MTHFD1L: variants seen among roughly 807,000 people sequenced by gnomAD.
MTHFD1L encodes methylenetetrahydrofolate dehydrogenase (NADP+ dependent) 1 like, also known as monofunctional C1-tetrahydrofolate synthase, mitochondrial.
MTHFD1L carries 81 observed loss-of-function variants against 119.5 expected under a neutral mutation model. That is an observed-to-expected ratio of 0.68 (90% CI 0.57 to 0.82). MTHFD1L has a LOEUF of 0.82. MTHFD1L is among the 40% of genes least tolerant of loss of function. The probability of loss-of-function intolerance (pLI) is 0.00; values close to 1 mark genes in which losing one functional copy is unlikely to be tolerated. For missense variants in MTHFD1L, 1,125 were observed against 1,253.4 expected (o/e 0.90, Z 1.55); for synonymous variants, 430 against 475.2 (o/e 0.90, Z 1.24).
intron 19 of MTHFD1L, among the ~76,000 whole-genome samples, chr6:150,965,890 G>A (rs1231411144): frequency 1.3e-5 from 2 of 152,188 alleles, no homozygotes; most frequent in Admixed American, 1.3e-4. Flanking sequence ...CATGTTAGTT[G>A]GTGGTAAGGT....
chr6:151,023,233 G>A (rs1253107194), intron 24 of MTHFD1L, among the ~76,000 whole-genome samples: 1 of 151,962 alleles, frequency 6.6e-6, no homozygotes, highest in African/African-American at 2.4e-5. Context: ...TTTTAGTAAA[G>A]GCAGAGTTTC....
chr6:150,929,820 C>T (rs1227095601), intron 11 of MTHFD1L, among the ~76,000 whole-genome samples: 2 of 151,974 alleles, frequency 1.3e-5, no homozygotes, highest in African/African-American at 4.8e-5. Flanking sequence ...AGTTTCTTTA[C>T]CTAACAAAGA....
At chr6:150,869,713 T>C (rs939091325) in intron 1 of MTHFD1L, among the ~76,000 whole-genome samples, 5 of 152,030 alleles carry the variant, frequency 3.3e-5, no homozygotes, top group Non-Finnish European at 7.4e-5. Flanking sequence ...TAGCCCTGAA[T>C]TGATTCTCCG....
intron 26 of MTHFD1L, among the ~76,000 whole-genome samples, chr6:151,052,970 G>C (rs1262071422): frequency 1.3e-5 from 2 of 152,186 alleles, no homozygotes; most frequent in Non-Finnish European, 2.9e-5. Flanking sequence ...CGCCCGTCGT[G>C]GGGTGGGTCT....
intron 26 of MTHFD1L, among the ~76,000 whole-genome samples, chr6:151,074,947 G>C (rs955978896): frequency 2.6e-5 from 4 of 152,100 alleles, no homozygotes; most frequent in African/African-American, 9.7e-5. Context: ...GTAAATGCAA[G>C]GTAACCATTT....
At chr6:150,876,730 C>T (rs1216521256) in intron 2 of MTHFD1L, among the ~76,000 whole-genome samples, 1 of 152,158 alleles carries the variant, frequency 6.6e-6, no homozygotes, top group Non-Finnish European at 1.5e-5. Context: ...TGTGTGATGG[C>T]AGGTGCTGAG....
intron 20 of MTHFD1L, among the ~76,000 whole-genome samples, chr6:150,981,518 A>G (rs775730210): frequency 8.3e-4 from 126 of 152,194 alleles, no homozygotes; most frequent in Admixed American, 4.6e-4. Context: ...TTCAAATTTT[A>G]TATATTAATA....
intron 26 of MTHFD1L, among the ~76,000 whole-genome samples, chr6:151,068,611 T>C (rs1791584383): frequency 6.6e-6 from 1 of 152,236 alleles, no homozygotes; most frequent in Non-Finnish European, 1.5e-5. Context: ...CAGGAGACTC[T>C]GTAAATATTC....
intron 26 of MTHFD1L, chr6:151,088,087 A>G (rs1361003174): frequency 5.3e-5 from 8 of 152,186 alleles, no homozygotes; most frequent in Non-Finnish European, 8.8e-5. Flanking sequence ...TGGGGGGGTG[A>G]CAATCCTTTG....
At chr6:151,098,501 T>A (rs1434991924) in intron 27 of MTHFD1L, among the ~76,000 whole-genome samples, 1 of 152,172 alleles carries the variant, frequency 6.6e-6, no homozygotes, top group Non-Finnish European at 1.5e-5. Flanking sequence ...TGCTTCCAAG[T>A]AGGATGGAAG....
intron 26 of MTHFD1L, among the ~76,000 whole-genome samples, chr6:151,050,521 G>A (rs1788853456): frequency 2.6e-5 from 4 of 152,162 alleles, no homozygotes; most frequent in Non-Finnish European, 5.9e-5. Flanking sequence ...AGTTCTGTTA[G>A]CTGCTCCAGC....
rs748304316 is a variant in MTHFD1L at position 150,866,388 on chromosome 6, G to A, written c.227+339G>A. On this transcript the variant is annotated intron_variant, in intron 1 of 27. Coordinates refer to ENST00000367321, the MANE Select transcript of MTHFD1L (RefSeq NM_015440.5). The stretch of plus-strand genomic sequence containing the variant: ...AATCGCGCCGGGCGCGACCCAGACG[G>A]TAAAGGGGCGGTGCGGCTGGGGCGG... The A allele has an allele frequency of 5.8e-6, 8 of 1,385,930 alleles. No homozygotes were observed. The South Asian group carries it at 1.3e-4, about 22-fold the overall frequency. The allele number at this position is 1,385,930 out of a possible 1,614,324, so 85.9% of individuals were successfully genotyped here. A position where few individuals can be genotyped will look rare whatever the true frequency, so the allele number is the denominator to read the frequency against.
chr6:151,090,332 A>G (rs1295320678), intron 26 of MTHFD1L, among the ~76,000 whole-genome samples: 3 of 152,098 alleles, frequency 2.0e-5, no homozygotes, highest in Non-Finnish European at 4.4e-5. Flanking sequence ...TGGGCAGTGA[A>G]GTGAGGAAGG....
chr6:150,932,302 C>T (rs746365778), intron 11 of MTHFD1L, among the ~76,000 whole-genome samples: 16 of 151,254 alleles, frequency 1.1e-4, no homozygotes, highest in Admixed American at 7.2e-4. Flanking sequence ...GCCTGGTAGG[C>T]GAGACAGGCA....
At chr6:150,950,388 G>T (rs947572194) in intron 16 of MTHFD1L, among the ~76,000 whole-genome samples, 4 of 152,192 alleles carry the variant, frequency 2.6e-5, no homozygotes, top group African/African-American at 9.7e-5. Context: ...TCCCTTCTGG[G>T]AATCCACCCA....
chr6:151,001,866 G>A (rs1456642469), intron 20 of MTHFD1L, among the ~76,000 whole-genome samples: 1 of 152,196 alleles, frequency 6.6e-6, no homozygotes, highest in African/African-American at 2.4e-5. Flanking sequence ...ACTAGCAGAG[G>A]AGGTGATTTA....
chr6:150,902,985 T>C (rs978820078), intron 7 of MTHFD1L, among the ~76,000 whole-genome samples: 4 of 152,198 alleles, frequency 2.6e-5, no homozygotes, highest in African/African-American at 9.7e-5. Flanking sequence ...AGCTTAAACA[T>C]TTGTATTTCT....
At chr6:151,088,552 G>T (rs117414516) in intron 26 of MTHFD1L, among the ~76,000 whole-genome samples, 1 of 150,366 alleles carries the variant, frequency 6.7e-6, no homozygotes, top group Non-Finnish European at 1.5e-5. Flanking sequence ...TGCCTCCCGA[G>T]TTCAAACGAT....
intron 21 of MTHFD1L, among the ~76,000 whole-genome samples, chr6:151,012,902 T>C (rs1782511813): frequency 1.3e-5 from 2 of 152,174 alleles, no homozygotes; most frequent in Non-Finnish European, 2.9e-5. Flanking sequence ...CCAGTCTTTT[T>C]GTTGTACTCA....
Sources: allele counts gnomAD v4.1 joint callset (sites outside exome capture counted in the v4.1 genomes callset), GRCh38; gene constraint gnomAD v4.1.1; transcripts MANE v1.5; gene names NCBI Gene and HGNC (gene_info 2026-07-23, HGNC 2026-07-21).